The following SLC25A40 variants were observed in gnomAD, a reference collection of about 807,000 sequenced individuals.
SLC25A40 encodes solute carrier family 25 member 40.
Under a neutral mutation model 46.5 loss-of-function variants are expected in SLC25A40, and 41 were observed. The observed-to-expected ratio is 0.88, with a 90% confidence interval of 0.69 to 1.14. SLC25A40 has a LOEUF of 1.14. Ranked by LOEUF, SLC25A40 falls within the 50% of genes most tolerant of loss-of-function variation. SLC25A40 has a pLI of 0.00. For synonymous variants in SLC25A40, 126 were observed against 127.5 expected (o/e 0.99, Z 0.08); for missense variants, 386 against 393.6 (o/e 0.98, Z 0.16).
intron 1 of SLC25A40, among the ~76,000 whole-genome samples, chr7:87,865,387 G>T (rs565470478): frequency 2.0e-5 from 3 of 152,042 alleles, no homozygotes; most frequent in East Asian, 1.9e-4. Context: ...TCAACAGGCC[G>T]CAGTAGCTAT....
intron 6 of SLC25A40, 98 bp from the exon 7 acceptor site, chr7:87,848,075 T>C (rs1838449581): frequency 7.3e-7 from 1 of 1,369,414 alleles, no homozygotes; most frequent in Admixed American, 3.0e-5. Context: ...AAAAAAGTCT[T>C]ATATTTTGTG....
chr7:87,860,311 A>G (rs1838678118), intron 2 of SLC25A40: 1 of 152,172 alleles, frequency 6.6e-6, no homozygotes, highest in Non-Finnish European at 1.5e-5. Context: ...CTTATCCATG[A>G]CTTATCAAAT....
intron 10 of SLC25A40, among the ~76,000 whole-genome samples, chr7:87,838,843 T>C (rs1269019431): frequency 1.3e-5 from 2 of 151,680 alleles, no homozygotes; most frequent in African/African-American, 4.8e-5. Flanking sequence ...TGCAATGTGC[T>C]TTCAGAATTA....
intron 5 of SLC25A40, 128 bp downstream of exon 5, chr7:87,854,076 A>G: frequency 1.5e-6 from 1 of 659,680 alleles, no homozygotes; most frequent in East Asian, 2.9e-5. Flanking sequence ...ACAAAGGGTT[A>G]AAAGCAAAGA....
At chr7:87,846,809 C>A (rs1015513518) in intron 8 of SLC25A40, 140 bp downstream of exon 8, 15 of 554,532 alleles carry the variant, frequency 2.7e-5, no homozygotes, top group African/African-American at 2.1e-4. Context: ...TCTGAGAGCC[C>A]AACAATGAAA....
rs533320885 is a variant in SLC25A40 at position 87,861,775 on chromosome 7, G to A, written c.-93-1135C>T. Among the ~76,000 whole-genome samples, 28 of 152,266 alleles carry A rather than the reference G, an allele frequency of 1.8e-4. 1 individual carries two copies. The South Asian group carries it at 5.2e-3, about 28-fold the overall frequency. Reference sequence around the variant, plus strand: ...TGTTGACATTGATGCCAGCAAGGTTGACAACTTGAATATGCGCACATGAAA... The same window carrying A: ...TGTTGACATTGATGCCAGCAAGGTTAACAACTTGAATATGCGCACATGAAA... On this transcript the variant is annotated intron_variant, in intron 1 of 11. Coordinates refer to ENST00000341119, the MANE Select transcript of SLC25A40 (RefSeq NM_018843.4).
At chr7:87,853,289 TATATC>T (rs1230245755) in intron 5 of SLC25A40, among the ~76,000 whole-genome samples, 3 of 152,200 alleles carry the variant, frequency 2.0e-5, no homozygotes, top group African/African-American at 7.2e-5. Context: ...TCTCTACACA[TATATC>T]ATAACTGGTA....
At chr7:87,839,763 A>C (rs1457013668) in intron 10 of SLC25A40, among the ~76,000 whole-genome samples, 1 of 151,786 alleles carries the variant, frequency 6.6e-6, no homozygotes, top group Non-Finnish European at 1.5e-5. Context: ...CAGTATAGGT[A>C]CTCAGTAATT....
rs564097671 is a variant in SLC25A40 at position 87,861,333 on chromosome 7, C to T, written c.-93-693G>A. On this transcript the variant is annotated intron_variant, in intron 1 of 11. Coordinates refer to ENST00000341119, the MANE Select transcript of SLC25A40 (RefSeq NM_018843.4). Reference sequence around the variant, plus strand: ...TTGAGGGTAACTAGTGATATGTGACCATGGTCTGGTATTAGATAATATTAA... The same window carrying T: ...TTGAGGGTAACTAGTGATATGTGACTATGGTCTGGTATTAGATAATATTAA... Among the ~76,000 whole-genome samples the T allele has an allele frequency of 2.4e-4, 36 of 152,160 alleles. 1 individual carries two copies. The highest frequency in any genetic ancestry group is 8.4e-4 in the African/African-American group (35 of 41,534).
intron 2 of SLC25A40, among the ~76,000 whole-genome samples, chr7:87,859,684 T>C (rs757823329): frequency 2.6e-5 from 4 of 152,198 alleles, no homozygotes; most frequent in Non-Finnish European, 5.9e-5. Context: ...ATTATAGACA[T>C]TGTGTCAATA....
At chr7:87,843,724 G>T in intron 9 of SLC25A40, 30 bp downstream of exon 9, 2 of 1,493,844 alleles carry the variant, frequency 1.3e-6, no homozygotes, top group Non-Finnish European at 9.3e-7. Context: ...TTATTCTTCT[G>T]GAATATTAAC....
Position 87,834,258 on chromosome 7 carries a change from CAG to C in SLC25A40, c.*1989_*1990del, listed in dbSNP as rs1434925398. ...ATTATAGTTCAATTATTTTATCAGA[CAG>C]AACTCTGAGAGCAAATTAAAATTTT... On this transcript the variant is annotated 3_prime_UTR_variant, in exon 12 of 12. Transcript: ENST00000341119. The C allele has an allele frequency of 2.6e-5, 4 of 151,618 alleles. No homozygotes were observed. Among genetic ancestry groups the C allele is most frequent in the African/African-American group, 9.7e-5 (4 of 41,356 alleles). 9.4% of individuals were successfully genotyped at this position (151,618 alleles called of 1,614,324 possible).
At chr7:87,843,707 A>G (rs184621791) in intron 9 of SLC25A40, 47 bp downstream of exon 9, 2 of 1,443,498 alleles carry the variant, frequency 1.4e-6, no homozygotes, top group Non-Finnish European at 1.9e-6. Flanking sequence ...TTGTTTTAAT[A>G]CAACAATTAT....
At chr7:87,856,417 G>T in intron 3 of SLC25A40, 66 bp from the exon 4 acceptor site, 2 of 1,165,162 alleles carry the variant, frequency 1.7e-6, no homozygotes, top group African/African-American at 1.5e-5. Flanking sequence ...GTTTTACACA[G>T]AACACAAAAT....
At chr7:87,841,604 TA>T in intron 10 of SLC25A40, 28 bp downstream of exon 10, 2 of 1,364,796 alleles carry the variant, frequency 1.5e-6, no homozygotes, top group Non-Finnish European at 2.0e-6. Context: ...AATGGCATCT[TA>T]AAAATATTTT....
At chr7:87,850,604 C>CA (rs984131238) in intron 5 of SLC25A40, among the ~76,000 whole-genome samples, 1 of 151,786 alleles carries the variant, frequency 6.6e-6, no homozygotes, top group African/African-American at 2.4e-5. Context: ...CTTATCTCTA[C>CA]AAAAAGCTAA....
intron 1 of SLC25A40, among the ~76,000 whole-genome samples, chr7:87,861,038 C>A (rs923258606): frequency 2.0e-5 from 3 of 152,080 alleles, no homozygotes; most frequent in Non-Finnish European, 4.4e-5. Context: ...TAATCTGAAT[C>A]GAAACAATCT....
At position 87,858,855 on chromosome 7, in the gene SLC25A40, C is replaced by A. The variant is rs920547489; in HGVS notation, c.-24-104G>T. 2.7e-5 allele frequency: 18 copies of A among 655,428 alleles called. No homozygotes were observed. In the Admixed American group the frequency reaches 3.7e-4, roughly 14 times the overall value. 40.6% of individuals were successfully genotyped at this position (655,428 alleles called of 1,614,324 possible). On this transcript the variant is annotated intron_variant, in intron 2 of 11. Coordinates refer to ENST00000341119, the MANE Select transcript of SLC25A40 (RefSeq NM_018843.4). ...GAGCAGCATCACATTAGTAAGACAACTAAGAGAGAATTAACCAAACAGATA... is the reference window on the plus strand; with the variant it reads ...GAGCAGCATCACATTAGTAAGACAAATAAGAGAGAATTAACCAAACAGATA...
intron 5 of SLC25A40, 118 bp downstream of exon 5, chr7:87,854,086 A>G (rs1249783052): frequency 1.0e-5 from 7 of 696,206 alleles, no homozygotes; most frequent in Non-Finnish European, 1.7e-5. Context: ...AAAAGCAAAG[A>G]AGTAGTTCCC....
Sources: gnomAD v4.1 joint callset for allele counts (sites outside exome capture counted in the v4.1 genomes callset) on GRCh38, gnomAD v4.1.1 for gene constraint, MANE v1.5 for transcripts, NCBI Gene and HGNC (gene_info 2026-07-23, HGNC 2026-07-21) for gene names.